The following ROCK1 variants were observed in gnomAD, a reference collection of about 807,000 sequenced individuals.
ROCK1 encodes Rho associated coiled-coil containing protein kinase 1.
ROCK1 carries 36 observed loss-of-function variants against 196.8 expected under a neutral mutation model. The ratio of observed to expected loss-of-function variants is 0.18; its 90% CI spans 0.14 to 0.24. The LOEUF is 0.24. ROCK1 is among the 10% of genes least tolerant of loss of function. The probability of loss-of-function intolerance (pLI) is 1.00; values close to 1 mark genes in which losing one functional copy is unlikely to be tolerated. For missense variants in ROCK1, 920 were observed against 1,562.0 expected (o/e 0.59, Z 6.93); for synonymous variants, 443 against 515.9 (o/e 0.86, Z 1.91).
intron 1 of ROCK1, among the ~76,000 whole-genome samples, chr18:21,106,037 T>G (rs2036700134): frequency 6.6e-6 from 1 of 152,152 alleles, no homozygotes; most frequent in South Asian, 2.1e-4. Flanking sequence ...TCTTCCACAT[T>G]CTGAAAAACT....
At chr18:21,094,822 A>G (rs1243553672) in intron 1 of ROCK1, among the ~76,000 whole-genome samples, 1 of 151,626 alleles carries the variant, frequency 6.6e-6, no homozygotes, top group African/African-American at 2.4e-5. Flanking sequence ...CAAGGTGGGC[A>G]GATCACCTGA....
rs1568377514 is a variant in ROCK1 at position 20,991,271 on chromosome 18, CGTT to C, written c.2045_2047del (p.Gln682del). On this transcript the variant is annotated inframe_deletion, in exon 18 of 33. Transcript: ENST00000399799. ...GTGTTCATTTACCTCTTGTTCTAAC[CGTT>C]GTTGTAATGATTTAAGTTTGTAGTT... is the stretch of plus-strand genomic sequence containing the variant. The C allele has an allele frequency of 1.2e-6, 2 of 1,607,174 alleles. No individual in the cohort carries two copies. The highest frequency in any genetic ancestry group is 1.7e-6 in the Non-Finnish European group (2 of 1,175,076).
chr18:21,004,150 G>C (rs1196814047), intron 16 of ROCK1, among the ~76,000 whole-genome samples: 1 of 152,052 alleles, frequency 6.6e-6, no homozygotes, highest in Non-Finnish European at 1.5e-5. Context: ...GCAAACATCA[G>C]GGCTGCAGCC....
chr18:20,953,235 A>G (rs2035207740), intron 32 of ROCK1: 1 of 183,272 alleles, frequency 5.5e-6, no homozygotes, highest in African/African-American at 2.4e-5. Flanking sequence ...AAACTATGCC[A>G]ACACAGTTAA....
chr18:21,063,699 T>C (rs1228132503), intron 2 of ROCK1, among the ~76,000 whole-genome samples: 1 of 152,200 alleles, frequency 6.6e-6, no homozygotes, highest in Non-Finnish European at 1.5e-5. Context: ...TAACTGTACA[T>C]AGGCAAAAGT....
At chr18:20,952,152 G>A (rs973553967) in intron 32 of ROCK1, among the ~76,000 whole-genome samples, 2 of 152,176 alleles carry the variant, frequency 1.3e-5, no homozygotes, top group African/African-American at 4.8e-5. Flanking sequence ...GGAGGCCCAG[G>A]AAGGTGCATC....
At chr18:21,089,319 CA>C (rs1353670812) in intron 1 of ROCK1, among the ~76,000 whole-genome samples, 3 of 152,198 alleles carry the variant, frequency 2.0e-5, no homozygotes, top group African/African-American at 7.2e-5. Flanking sequence ...CTTGGCCTCC[CA>C]AAATGCTGGG....
intron 1 of ROCK1, among the ~76,000 whole-genome samples, chr18:21,090,436 G>A (rs2036560100): frequency 6.6e-6 from 1 of 152,132 alleles, no homozygotes; most frequent in Admixed American, 6.5e-5. Context: ...GCATACAGAA[G>A]CCAAATAAAG....
intron 29 of ROCK1, among the ~76,000 whole-genome samples, chr18:20,956,306 T>C (rs1598505851): frequency 6.6e-6 from 1 of 152,244 alleles, no homozygotes; most frequent in African/African-American, 2.4e-5. Context: ...TGTCTCTAGA[T>C]AATATCTAAT....
chr18:21,001,636 A>G (rs2035725323), intron 16 of ROCK1, among the ~76,000 whole-genome samples: 1 of 151,956 alleles, frequency 6.6e-6, no homozygotes, highest in Admixed American at 6.6e-5. Context: ...ATGGTGGCGC[A>G]TGCCTGTAGT....
intron 1 of ROCK1, among the ~76,000 whole-genome samples, chr18:21,106,497 G>A (rs1456464349): frequency 6.6e-6 from 1 of 152,080 alleles, no homozygotes; most frequent in African/African-American, 2.4e-5. Context: ...TTTTTCCTCT[G>A]CAAAGATTAA....
At chr18:21,059,598 T>C (rs958638592) in intron 2 of ROCK1, among the ~76,000 whole-genome samples, 1 of 152,182 alleles carries the variant, frequency 6.6e-6, no homozygotes, top group African/African-American at 2.4e-5. Flanking sequence ...TACTCCAAAG[T>C]AATAAAAGTA....
chr18:21,079,033 T>C (rs2036459917), intron 1 of ROCK1, among the ~76,000 whole-genome samples: 2 of 152,172 alleles, frequency 1.3e-5, no homozygotes, highest in Non-Finnish European at 2.9e-5. Flanking sequence ...CTCTCAGCCT[T>C]TCCATAAAAG....
intron 2 of ROCK1, among the ~76,000 whole-genome samples, chr18:21,066,203 C>T (rs1324962569): frequency 1.3e-5 from 2 of 151,988 alleles, no homozygotes; most frequent in East Asian, 3.9e-4. Flanking sequence ...AAACACAATG[C>T]CAGTAATTGA....
At chr18:21,017,536 C>A (rs1175687640) in intron 12 of ROCK1, among the ~76,000 whole-genome samples, 14 of 151,964 alleles carry the variant, frequency 9.2e-5, no homozygotes, top group Admixed American at 8.5e-4. Flanking sequence ...TGCTAAATTA[C>A]AAGCTCCTTG....
At chr18:21,020,372 T>A in intron 11 of ROCK1, 133 bp from the exon 12 acceptor site, 1 of 454,672 alleles carries the variant, frequency 2.2e-6, no homozygotes, top group East Asian at 3.8e-5. Flanking sequence ...TCTATCTCAA[T>A]TTTTTTATTA....
At chr18:20,972,511 T>C (rs2035438772) in intron 22 of ROCK1, among the ~76,000 whole-genome samples, 1 of 152,210 alleles carries the variant, frequency 6.6e-6, no homozygotes, top group Admixed American at 6.5e-5. Flanking sequence ...AGTAATCCCT[T>C]GAGCACTCCA....
At chr18:20,987,895 GTTC>G (rs2035590796) in intron 18 of ROCK1, among the ~76,000 whole-genome samples, 1 of 151,972 alleles carries the variant, frequency 6.6e-6, no homozygotes, top group South Asian at 2.1e-4. Context: ...CATCCACTAT[GTTC>G]TTCTGACTCT....
intron 9 of ROCK1, among the ~76,000 whole-genome samples, chr18:21,037,443 A>G (rs1359005328): frequency 6.6e-6 from 1 of 152,222 alleles, no homozygotes; most frequent in African/African-American, 2.4e-5. Flanking sequence ...TAACTGTTAC[A>G]TAAGTTTTAA....
Sources: gnomAD v4.1 joint callset for allele counts (sites outside exome capture counted in the v4.1 genomes callset) on GRCh38, gnomAD v4.1.1 for gene constraint, MANE v1.5 for transcripts, NCBI Gene and HGNC (gene_info 2026-07-23, HGNC 2026-07-21) for gene names.